CMYA5: variants seen among roughly 807,000 people sequenced by gnomAD.
The protein encoded by CMYA5 is cardiomyopathy associated 5, also known as cardiomyopathy-associated protein 5.
A neutral mutation model predicts 318.9 loss-of-function variants in CMYA5; 246 were observed. That is an observed-to-expected ratio of 0.77 (90% CI 0.70 to 0.86). CMYA5 has a LOEUF of 0.86. Among genes scored for constraint, CMYA5 ranks in the 40% least tolerant of loss-of-function variants. CMYA5 has a pLI of 0.00. For missense variants in CMYA5, 4,589 were observed against 4,678.2 expected (o/e 0.98, Z 0.56); for synonymous variants, 1,641 against 1,729.5 (o/e 0.95, Z 1.27).
At chr5:79,753,567 A>G (rs890078396) in intron 6 of CMYA5, among the ~76,000 whole-genome samples, 9 of 152,042 alleles carry the variant, frequency 5.9e-5, no homozygotes, top group African/African-American at 2.2e-4. Context: ...TGGGCAACAT[A>G]GTAAGACCCC....
chr5:79,711,562 G>T (rs1234506706), intron 1 of CMYA5, among the ~76,000 whole-genome samples: 1 of 152,154 alleles, frequency 6.6e-6, no homozygotes, highest in Non-Finnish European at 1.5e-5. Context: ...ATTGGAGAAA[G>T]AAATTAACCA....
chr5:79,736,207 C>A lies in CMYA5; in HGVS notation c.7442C>A (p.Ala2481Asp), dbSNP rs753811112. ...CTGGCAGAAAAACAAAACTCTGTGG[C>A]CCCATTAGAGCTTAGAGATAGTAAT... Reference protein sequence around the residue: ...KVLAEKQNSVAPLELRDSNEI... With the variant: ...KVLAEKQNSVDPLELRDSNEI... The change falls in exon 2 of 13, where the codon GCC becomes GAC. Residue 2481 changes from alanine (A) to aspartate (D), a missense_variant. By Grantham distance (126) the Ala-to-Asp change is moderately radical. Coordinates refer to ENST00000446378, the MANE Select transcript of CMYA5 (RefSeq NM_153610.5). 3.7e-6 allele frequency: 6 copies of A among 1,613,310 alleles called. No individual in the cohort carries two copies. Among genetic ancestry groups the A allele is most frequent in the Non-Finnish European group, 5.1e-6 (6 of 1,179,542 alleles).
chr5:79,710,662 A>C (rs543166518), intron 1 of CMYA5, among the ~76,000 whole-genome samples: 18 of 152,196 alleles, frequency 1.2e-4, no homozygotes, highest in Admixed American at 7.2e-4. Flanking sequence ...CTGTTTTCCT[A>C]TATATCCTAC....
intron 9 of CMYA5, among the ~76,000 whole-genome samples, chr5:79,786,909 G>A (rs1829092070): frequency 6.6e-6 from 1 of 152,172 alleles, no homozygotes; most frequent in South Asian, 2.1e-4. Flanking sequence ...GATTCAATGA[G>A]GACATTGTGC....
rs547053590 is a variant in CMYA5, at chr5:79,729,174, A to C, written c.409A>C (p.Lys137Gln). Residue 137 changes from lysine to glutamine, a missense_variant, in exon 2 of 13, where the codon AAG becomes CAG. Physicochemically the swap from Lys to Gln is moderately conservative, Grantham distance 53. This residue lies in a region of CMYA5 where 2,132 missense variants were observed against 2,131.3 expected (regional missense o/e 1.00). Coordinates refer to ENST00000446378, the MANE Select transcript of CMYA5 (RefSeq NM_153610.5). ...GAAAAAGGTTCGGAAAAGGACTCAT[A>C]AGTCAAAGCATGGTTCACCATCATT... is the stretch of plus-strand genomic sequence containing the variant. Reference protein sequence around the residue: ...EVKKVRKRTHKSKHGSPSLRR... With the variant: ...EVKKVRKRTHQSKHGSPSLRR... 3.1e-6 allele frequency: 5 copies of C among 1,612,860 alleles called. No homozygotes were observed. In the South Asian group the frequency reaches 3.3e-5, roughly 11 times the overall value.
intron 9 of CMYA5, among the ~76,000 whole-genome samples, chr5:79,770,139 G>A (rs992907595): frequency 2.0e-5 from 3 of 152,116 alleles, no homozygotes; most frequent in South Asian, 2.1e-4. Context: ...CAGTAATGGC[G>A]GACGCCCCTC....
Position 79,692,082 on chromosome 5 carries a change from G to GAGAGAGA in CMYA5, c.149+2026_149+2027insAGAGAGA, listed in dbSNP as rs1826979932. On this transcript the variant is annotated intron_variant, in intron 1 of 12. Transcript: ENST00000446378. ...TTTATCATGCAGATGAAGCCTCCAG[G>GAGAGAGA]TAGCCAGCTGGAGAGAGAATAGATT... Among the ~76,000 whole-genome samples, 4 of 152,324 alleles carry GAGAGAGA rather than the reference G, an allele frequency of 2.6e-5. No homozygotes were observed. The South Asian group carries it at 8.3e-4, about 32-fold the overall frequency.
At chr5:79,739,894 G>C (rs911649985) in intron 2 of CMYA5, among the ~76,000 whole-genome samples, 3 of 151,774 alleles carry the variant, frequency 2.0e-5, no homozygotes, top group African/African-American at 7.3e-5. Context: ...GAGGTGGGAG[G>C]ATCAGTTGAG....
At chr5:79,713,378 C>G (rs1284940400) in intron 1 of CMYA5, among the ~76,000 whole-genome samples, 1 of 148,726 alleles carries the variant, frequency 6.7e-6, no homozygotes, top group Non-Finnish European at 1.5e-5. Flanking sequence ...ATGCCCACCT[C>G]CCAAGACCAC....
chr5:79,714,939 G>A (rs1827485059), intron 1 of CMYA5, among the ~76,000 whole-genome samples: 2 of 152,024 alleles, frequency 1.3e-5, no homozygotes, highest in African/African-American at 2.4e-5. Flanking sequence ...TATTTATTTT[G>A]CAAGGCTCAT....
chr5:79,711,490 T>A (rs993105996), intron 1 of CMYA5, among the ~76,000 whole-genome samples: 1 of 152,232 alleles, frequency 6.6e-6, no homozygotes, highest in African/African-American at 2.4e-5. Context: ...AATATAGGTT[T>A]TGTTAGCAGA....
chr5:79,731,872 C>T lies in CMYA5; in HGVS notation c.3107C>T (p.Ser1036Phe). 6.2e-7 allele frequency: 1 copy of T among 1,613,434 alleles called. No homozygotes were observed. The highest frequency in any genetic ancestry group is 8.5e-7 in the Non-Finnish European group (1 of 1,179,690). ...ACTGCAGTGTCTGCTTCAGGTTATT[C>T]CTGCTTTTCAGAAGCAGATGAGGAA... ...LLTAVSASGY[S>F]CFSEADEEDI... Residue 1036 changes from serine (S) to phenylalanine (F), a missense_variant, in exon 2 of 13, where the codon TCC (serine) becomes TTC (phenylalanine). Coordinates refer to ENST00000446378, the MANE Select transcript of CMYA5 (RefSeq NM_153610.5).
rs1828074137 is a variant in CMYA5 at position 79,736,593 on chromosome 5, A to G, written c.7828A>G (p.Arg2610Gly). The G allele has an allele frequency of 6.2e-7, 1 of 1,613,828 alleles. No homozygotes were observed. Among genetic ancestry groups the G allele is most frequent in the African/African-American group, 1.3e-5 (1 of 75,026 alleles). Residue 2610 changes from arginine (R) to glycine (G), a missense_variant, in exon 2 of 13, where the codon AGA becomes GGA. Coordinates refer to ENST00000446378, the MANE Select transcript of CMYA5 (RefSeq NM_153610.5). ...GCTCGCAGAGGCTCACCCAGAAATC[A>G]GAGAAGCAAAGGCAGTAGGAACCCA... is the stretch of plus-strand genomic sequence containing the variant. ...AMLAEAHPEI[R>G]EAKAVGTQPH...
rs998100594 is a variant in CMYA5 at position 79,729,499 on chromosome 5, A to G, written c.734A>G (p.Tyr245Cys). Residue 245 changes from tyrosine to cysteine, a missense_variant, in exon 2 of 13, where the codon TAT becomes TGT. By Grantham distance (194) the Tyr-to-Cys change is radical. This residue lies in a region of CMYA5 where 2,132 missense variants were observed against 2,131.3 expected (regional missense o/e 1.00). Transcript: ENST00000446378. ...GAAGAATTAATTCCTCTACAATTTT[A>G]TGGAACATTGCCAAAGGGTTATGTA... ...VKEELIPLQF[Y>C]GTLPKGYVIK... is the part of the protein sequence containing the mutation. The G allele has an allele frequency of 6.2e-7, 1 of 1,610,594 alleles. No individual in the cohort carries two copies. Among genetic ancestry groups the G allele is most frequent in the Non-Finnish European group, 8.5e-7 (1 of 1,177,854 alleles).
In CMYA5 at chr5:79,737,711, G is replaced by T. The variant is rs1828110365; in HGVS notation, c.8946G>T (p.Glu2982Asp). 1.9e-6 allele frequency: 3 copies of T among 1,612,108 alleles called. No individual in the cohort carries two copies. Among genetic ancestry groups the T allele is most frequent in the East Asian group, 4.5e-5 (2 of 44,862 alleles). The stretch of plus-strand genomic sequence containing the variant: ...AAGATAAATTAGAATATTTGGAAGA[G>T]AAAGCCTCATTTAAAACCATACCAC... ...QMQDKLEYLE[E>D]KASFKTIPLP... Residue 2982 changes from glutamate to aspartate, a missense_variant, in exon 2 of 13, where the codon GAG becomes GAT. By Grantham distance (45) the Glu-to-Asp change is conservative. Around this residue, in one of 3 missense-constraint regions of CMYA5, gnomAD observed 2,431 missense variants for 2,495.1 expected, o/e 0.97. Transcript: ENST00000446378.
intron 12 of CMYA5, among the ~76,000 whole-genome samples, chr5:79,793,988 G>T (rs184104671): frequency 2.2e-4 from 33 of 152,308 alleles, no homozygotes; most frequent in African/African-American, 7.9e-4. Context: ...GGGAGGGGCA[G>T]CTGGGTTTTG....
chr5:79,772,941 C>T (rs188466635), intron 9 of CMYA5, among the ~76,000 whole-genome samples: 26 of 152,338 alleles, frequency 1.7e-4, no homozygotes, highest in Admixed American at 6.5e-4. Flanking sequence ...ACAAGTCTTA[C>T]AGTAGAATTG....
intron 1 of CMYA5, among the ~76,000 whole-genome samples, chr5:79,715,166 G>A (rs1827490141): frequency 6.6e-6 from 1 of 152,102 alleles, no homozygotes; most frequent in Admixed American, 6.5e-5. Flanking sequence ...TCCATGGTGG[G>A]TGTTAAATAT....
chr5:79,761,693 G>A (rs901879729), intron 7 of CMYA5, 118 bp from the exon 8 acceptor site: 6 of 1,070,150 alleles, frequency 5.6e-6, no homozygotes, highest in Admixed American at 2.6e-5. Context: ...AATGGTATCT[G>A]TAAGGTTATC....
Sources: allele counts gnomAD v4.1 joint callset (sites outside exome capture counted in the v4.1 genomes callset), GRCh38; gene constraint gnomAD v4.1.1; regional missense constraint gnomAD v4.1.1; transcripts MANE v1.5; gene names NCBI Gene and HGNC (gene_info 2026-07-23, HGNC 2026-07-21).